Variants in EIF2D observed in about 807,000 individuals in gnomAD.
EIF2D encodes hepatocellular carcinoma-associated antigen 56.
In EIF2D, 56 loss-of-function variants were observed where a neutral mutation model predicts 77.4. That is an observed-to-expected ratio of 0.72 (90% CI 0.58 to 0.90). The LOEUF is 0.90. EIF2D is among the 40% of genes least tolerant of loss of function. The pLI is 0.00. For missense variants in EIF2D, 574 were observed against 706.5 expected (o/e 0.81, Z 2.13); for synonymous variants, 230 against 271.0 (o/e 0.85, Z 1.49).
chr1:206,577,582 C>A (rs1195774970), intron 4 of EIF2D, among the ~76,000 whole-genome samples: 1 of 152,200 alleles, frequency 6.6e-6, no homozygotes, highest in Non-Finnish European at 1.5e-5. Context: ...AGAAGCCCAA[C>A]ACACACTTGT....
At chr1:206,596,629 A>G (rs950680800) in intron 12 of EIF2D, among the ~76,000 whole-genome samples, 4 of 152,202 alleles carry the variant, frequency 2.6e-5, no homozygotes, top group Non-Finnish European at 4.4e-5. Flanking sequence ...TTGCTTCTGC[A>G]TCTTATTGAA....
In EIF2D at chr1:206,608,241, C is replaced by A. The variant is rs782288333; in HGVS notation, c.417G>T (p.Gly139=). ...KGDLCAISLV[G]NRAPVAIGVA... ...ACAGTTGCCTGGCACAGTACCTGTT[C>A]CCCACCAAAGAAATGGCACAGAGGT... The change falls in exon 4 of 15, where the codon GGG becomes GGT. Residue 139 remains glycine (G), a synonymous_variant. Transcript: ENST00000271764. 6.2e-7 allele frequency: 1 copy of A among 1,613,418 alleles called. No homozygotes were observed. The highest frequency in any genetic ancestry group is 2.2e-5 in the East Asian group (1 of 44,856).
chr1:206,600,447 A>C, intron 7 of EIF2D, 139 bp from the exon 8 acceptor site: 3 of 714,238 alleles, frequency 4.2e-6, no homozygotes, highest in Non-Finnish European at 7.2e-6. Flanking sequence ...CTCTCTGCCC[A>C]GGGATGACAG....
At chr1:206,588,703 C>T (rs369279969), downstream of EIF2D, 3 of 152,730 alleles carry the variant, frequency 2.0e-5, no homozygotes, top group Non-Finnish European at 4.4e-5. Context: ...AAAGGCAACA[C>T]AAGCTCGCAA....
chr1:206,594,188 C>T (rs1669526149), intron 13 of EIF2D: 1 of 153,728 alleles, frequency 6.5e-6, no homozygotes, highest in Non-Finnish European at 1.4e-5. Context: ...ACTCCCCACT[C>T]CTCTATTACT....
At chr1:206,602,004 T>C (rs1167030775) in intron 7 of EIF2D, 3 of 256,748 alleles carry the variant, frequency 1.2e-5, no homozygotes, top group African/African-American at 6.7e-5. Flanking sequence ...CCTGGGACAC[T>C]TCCTGCAGAG....
rs1553410819 is a variant in EIF2D at position 206,599,544 on chromosome 1, T to A, written c.1121A>T (p.Gln374Leu). The change falls in exon 10 of 15, where the codon CAG (glutamine) becomes CTG (leucine). Residue 374 changes from glutamine to leucine, a missense_variant. Transcript: ENST00000271764. This position sits in a 1 kb window ranked among gnomAD's most constrained non-coding sequence, Gnocchi z 4.1. ...SQTIQEGSREQPYHPPDIKPL... is the reference protein window; with the variant it reads ...SQTIQEGSRELPYHPPDIKPL... ...TTTTATATCTGGAGGGTGATAGGGC[T>A]GTTCCCTGCTACCCTCCTGGATAGT... The A allele has an allele frequency of 6.2e-7, 1 of 1,611,552 alleles. No homozygotes were observed. Among genetic ancestry groups the A allele is most frequent in the Non-Finnish European group, 8.5e-7 (1 of 1,178,704 alleles).
At position 206,584,255 on chromosome 1, in the gene EIF2D, C is replaced by A. The variant is rs782815075; in HGVS notation, c.139-3093G>T. On this transcript the variant is annotated intron_variant and NMD_transcript_variant, in intron 2 of 5. Coordinates refer to the EIF2D transcript ENST00000472709. The surrounding 1 kb of genome is among the most constrained non-coding windows in gnomAD (Gnocchi z 4.9). ...GGGATCTCTGCTCCTTCCTCCAGCT[C>A]TCCCACGTCAGCAGAGGCAGGAAAG... The A allele has an allele frequency of 5.9e-6, 5 of 843,838 alleles. No homozygotes were observed. The highest frequency in any genetic ancestry group is 9.1e-6 in the Non-Finnish European group (5 of 549,302). 52.3% of individuals were successfully genotyped at this position (843,838 alleles called of 1,614,324 possible). A position where few individuals can be genotyped will look rare whatever the true frequency, so the allele number is the denominator to read the frequency against.
In EIF2D at chr1:206,609,385, C is replaced by T. The variant is rs1670360714; in HGVS notation, c.322G>A (p.Gly108Arg). 5.0e-6 allele frequency: 8 copies of T among 1,614,186 alleles called. No homozygotes were observed. The highest frequency in any genetic ancestry group is 6.8e-6 in the Non-Finnish European group (8 of 1,179,998). The change falls in exon 3 of 15, where the codon GGG (glycine) becomes AGG (arginine). Residue 108 changes from glycine to arginine, a missense_variant. By Grantham distance (125) the Gly-to-Arg change is moderately radical. Coordinates refer to ENST00000271764, the MANE Select transcript of EIF2D (RefSeq NM_006893.3). ...TWPLVLEKLV[G>R]GADLMLPGLV... is the part of the protein sequence containing the mutation. Reference sequence around the variant, plus strand: ...AGGAGAATCCTCTTACCTGCTCCCCCTACCAGTTTCTCGAGCACCAGAGGC... The same window carrying T: ...AGGAGAATCCTCTTACCTGCTCCCCTTACCAGTTTCTCGAGCACCAGAGGC...
chr1:206,595,565 A>T (rs1669606009), intron 13 of EIF2D, 153 bp downstream of exon 13: 1 of 904,850 alleles, frequency 1.1e-6, no homozygotes, highest in Non-Finnish European at 1.6e-6. Flanking sequence ...TTTCATACAG[A>T]GCCCAGCCCA....
chr1:206,610,175 C>T (rs1238436583), intron 2 of EIF2D, among the ~76,000 whole-genome samples: 6 of 152,208 alleles, frequency 3.9e-5, no homozygotes, highest in Admixed American at 2.6e-4. Context: ...ATTCCTATCA[C>T]AGTATATCTT....
intron 5 of EIF2D, chr1:206,571,595 T>C (rs1245309511): frequency 2.0e-5 from 3 of 152,002 alleles, no homozygotes; most frequent in African/African-American, 7.3e-5. Context: ...GTACAGAGAG[T>C]CAAAGCAATG....
rs1669407934 is a variant in EIF2D at position 206,592,783 on chromosome 1, G to A, written c.1684+836C>T. The stretch of plus-strand genomic sequence containing the variant: ...TTGAAGTGAGGAAAAACGGGAGGCT[G>A]GGTTACCCAGAGTTAGTAGAAAGAA... On this transcript the variant is annotated intron_variant, in intron 14 of 14. Transcript: ENST00000271764. The surrounding 1 kb of genome is among the most constrained non-coding windows in gnomAD (Gnocchi z 4.7). Among the ~76,000 whole-genome samples the A allele has an allele frequency of 6.6e-6, 1 of 152,160 alleles. No homozygotes were observed. Among genetic ancestry groups the A allele is most frequent in the Admixed American group, 6.5e-5 (1 of 15,270 alleles).
intron 4 of EIF2D, among the ~76,000 whole-genome samples, chr1:206,575,513 A>T (rs7517285): frequency 0.46 from 69,978 of 151,974 alleles, 16,520 homozygotes; most frequent in Middle Eastern, 0.64. Context: ...GAGCAGTGAA[A>T]AAGTAAAGTC....
At chr1:206,612,143 C>T in intron 1 of EIF2D, 144 bp downstream of exon 1, 1 of 1,048,436 alleles carries the variant, frequency 9.5e-7, no homozygotes, top group South Asian at 1.4e-5. Context: ...TCTAACCCAC[C>T]CTTGCCTCCT....
At chr1:206,570,508 C>T (rs1668416124), downstream of EIF2D, among the ~76,000 whole-genome samples, 2 of 151,986 alleles carry the variant, frequency 1.3e-5, 1 homozygote, top group South Asian at 4.2e-4. Flanking sequence ...ACTGAAACTC[C>T]TTACCAATTA....
chr1:206,583,121 G>A (rs1345697181), intron 2 of EIF2D: 2 of 595,576 alleles, frequency 3.4e-6, no homozygotes, highest in East Asian at 5.8e-5. Flanking sequence ...ACCTCTCATT[G>A]TCTCACTCCG....
At chr1:206,600,121 C>T in intron 8 of EIF2D, 142 bp downstream of exon 8, 1 of 854,028 alleles carries the variant, frequency 1.2e-6, no homozygotes. Flanking sequence ...GAGTTTCTTT[C>T]TTCCCCCTTA....
intron 6 of EIF2D, chr1:206,602,664 T>C (rs768639152): frequency 6.3e-5 from 40 of 633,816 alleles, no homozygotes; most frequent in Non-Finnish European, 9.8e-5. Context: ...CCCACCAAGC[T>C]AGGAGTGTTC....
Sources: gnomAD v4.1 joint callset for allele counts (sites outside exome capture counted in the v4.1 genomes callset) on GRCh38, gnomAD v4.1.1 for gene constraint, Gnocchi (gnomAD v3.1) non-coding constraint, MANE v1.5 for transcripts, NCBI Gene and HGNC (gene_info 2026-07-23, HGNC 2026-07-21) for gene names.